KDM3B: variants seen among roughly 807,000 people sequenced by gnomAD.
The protein encoded by KDM3B is lysine-specific demethylase 3B.
KDM3B carries 10 observed loss-of-function variants against 170.0 expected under a neutral mutation model. The ratio of observed to expected loss-of-function variants is 0.06; its 90% CI spans 0.04 to 0.10. The LOEUF (loss-of-function observed/expected upper bound fraction) is 0.10. Ranked by LOEUF, KDM3B falls within the 10% of genes least tolerant of loss-of-function variation. The pLI is 1.00. For synonymous variants in KDM3B, 831 were observed against 834.8 expected (o/e 1.00, Z 0.08); for missense variants, 1,394 against 2,195.2 (o/e 0.64, Z 7.29).
chr5:138,380,664 C>T (rs1762104344), intron 5 of KDM3B, among the ~76,000 whole-genome samples: 1 of 152,036 alleles, frequency 6.6e-6, no homozygotes, highest in Non-Finnish European at 1.5e-5. Context: ...TGTATAATTG[C>T]TAGGTCAAAG....
intron 1 of KDM3B, among the ~76,000 whole-genome samples, chr5:138,366,262 A>G (rs2126915258): frequency 6.6e-6 from 1 of 152,286 alleles, no homozygotes; most frequent in East Asian, 1.9e-4. Flanking sequence ...AATGCTTTAT[A>G]ATTTTCATTT....
At chr5:138,435,008 T>G (rs1014981154) in intron 23 of KDM3B, among the ~76,000 whole-genome samples, 2 of 152,222 alleles carry the variant, frequency 1.3e-5, no homozygotes, top group African/African-American at 4.8e-5. Context: ...AGTTTTCTTG[T>G]CAGCCCTTTA....
At chr5:138,394,871 T>C (rs1287523868) in intron 9 of KDM3B, among the ~76,000 whole-genome samples, 1 of 152,138 alleles carries the variant, frequency 6.6e-6, no homozygotes, top group African/African-American at 2.4e-5. Context: ...AAGTGAGAAA[T>C]GATGGGGCTT....
At chr5:138,428,373 G>A (rs916086377) in intron 20 of KDM3B, among the ~76,000 whole-genome samples, 4 of 151,960 alleles carry the variant, frequency 2.6e-5, no homozygotes, top group Non-Finnish European at 2.9e-5. Context: ...CACCACGCCC[G>A]GCTAATTTTT....
intron 6 of KDM3B, among the ~76,000 whole-genome samples, chr5:138,384,098 T>TA (rs2126938756): frequency 6.8e-6 from 1 of 147,998 alleles, no homozygotes; most frequent in South Asian, 2.1e-4. Flanking sequence ...CAAAAAAAAT[T>TA]AGCCGGGCGC....
At chr5:138,381,455 A>G (rs1762122684) in intron 5 of KDM3B, 61 bp from the exon 6 acceptor site, 1 of 1,046,374 alleles carries the variant, frequency 9.6e-7, no homozygotes, top group Non-Finnish European at 1.5e-6. Context: ...TTGATTAGGA[A>G]ATTATATAAT....
Position 138,391,452 on chromosome 5 carries a change from G to A in KDM3B, c.1820G>A (p.Arg607Gln), listed in dbSNP as rs151196317. ...SMPTLTPAFPRSLLNARTPEN... is the reference protein window; with the variant it reads ...SMPTLTPAFPQSLLNARTPEN... ...CCCACCCTCACTCCAGCCTTCCCACGGAGCCTCCTAAATGCCCGTACCCCA... is the reference window on the plus strand; with the variant it reads ...CCCACCCTCACTCCAGCCTTCCCACAGAGCCTCCTAAATGCCCGTACCCCA... Residue 607 changes from arginine (R) to glutamine (Q), a missense_variant, in exon 8 of 24, where the codon CGG (arginine) becomes CAG (glutamine). Arg to Gln is a conservative substitution (Grantham distance 43, BLOSUM62 1). Coordinates refer to ENST00000314358, the MANE Select transcript of KDM3B (RefSeq NM_016604.4). This position sits in a 1 kb window ranked among gnomAD's most constrained non-coding sequence, Gnocchi z 5.0. 19 of 1,613,970 alleles carry A rather than the reference G, an allele frequency of 1.2e-5. 1 individual carries two copies. Among genetic ancestry groups the A allele is most frequent in the African/African-American group, 5.3e-5 (4 of 74,974 alleles).
chr5:138,410,503 A>G (rs1302736461), intron 11 of KDM3B, among the ~76,000 whole-genome samples: 1 of 152,054 alleles, frequency 6.6e-6, no homozygotes, highest in Non-Finnish European at 1.5e-5. Context: ...AAAAAAGAGG[A>G]ACCTCTGGAG....
chr5:138,394,328 C>T lies in KDM3B; in HGVS notation c.2831+956C>T, dbSNP rs750381598. On this transcript the variant is annotated intron_variant, in intron 9 of 23. Transcript: ENST00000314358. ...GGTCAAAGCTGCATTGAGCCTTGAT[C>T]GTACCACTGCACTCCAGCCTTAGAA... Among the ~76,000 whole-genome samples, 8 of 152,074 alleles carry T rather than the reference C, an allele frequency of 5.3e-5. No individual in the cohort carries two copies. In the East Asian group the frequency reaches 5.8e-4, roughly 11 times the overall value.
chr5:138,424,441 A>C, intron 16 of KDM3B, 100 bp downstream of exon 16: 1 of 1,371,314 alleles, frequency 7.3e-7, no homozygotes, highest in Non-Finnish European at 1.0e-6. Context: ...AGATTTAGAC[A>C]TAGTGAGGTT....
chr5:138,374,832 G>A (rs1176970229), intron 2 of KDM3B, among the ~76,000 whole-genome samples: 2 of 152,186 alleles, frequency 1.3e-5, no homozygotes, highest in Non-Finnish European at 2.9e-5. Flanking sequence ...TCCCTAGGCA[G>A]AATTAGGAGA....
intron 14 of KDM3B, among the ~76,000 whole-genome samples, chr5:138,419,728 T>TACACACACACACACACACACACAC (rs144047213): frequency 1.2e-4 from 15 of 122,170 alleles, no homozygotes; most frequent in South Asian, 2.8e-4. Context: ...TACACACACA[T>TACACACACACACACACACACACAC]ACACACACAC....
At chr5:138,362,464 T>C (rs1475329868) in intron 1 of KDM3B, among the ~76,000 whole-genome samples, 3 of 151,448 alleles carry the variant, frequency 2.0e-5, no homozygotes, top group East Asian at 1.9e-4. Context: ...GATTTTTTTT[T>C]CCCAAAAATC....
At position 138,436,511 on chromosome 5, in the gene KDM3B, C is replaced by CT. The variant is rs1233664694; in HGVS notation, c.*817dup. 7 of 152,190 alleles carry CT rather than the reference C, an allele frequency of 4.6e-5. No individual in the cohort carries two copies. In the South Asian group the frequency reaches 1.2e-3, roughly 27 times the overall value. The allele number at this position is 152,190 out of a possible 1,614,324, so 9.4% of individuals were successfully genotyped here. A position where few individuals can be genotyped will look rare whatever the true frequency, so the allele number is the denominator to read the frequency against. ...CCAAAGCAGAATTTTTAAAAATTGG[C>CT]TTTTTTAGGATTCTTTTTCTCCCCC... is the stretch of plus-strand genomic sequence containing the variant. On this transcript the variant is annotated 3_prime_UTR_variant, in exon 24 of 24. Transcript: ENST00000314358.
At chr5:138,412,191 C>T (rs1366975993) in intron 11 of KDM3B, among the ~76,000 whole-genome samples, 3 of 151,290 alleles carry the variant, frequency 2.0e-5, no homozygotes, top group African/African-American at 7.3e-5. Flanking sequence ...CAAAAATTAG[C>T]TGGGCGTGGT....
At chr5:138,389,451 TGTA>T (rs1762367686) in intron 7 of KDM3B, among the ~76,000 whole-genome samples, 2 of 152,208 alleles carry the variant, frequency 1.3e-5, no homozygotes, top group African/African-American at 2.4e-5. Context: ...TTTTTTTAAT[TGTA>T]GTAAAATACA....
At chr5:138,418,578 A>C (rs1763169655) in intron 13 of KDM3B, among the ~76,000 whole-genome samples, 1 of 152,242 alleles carries the variant, frequency 6.6e-6, no homozygotes, top group Non-Finnish European at 1.5e-5. Flanking sequence ...TAAGAGTAAT[A>C]AACATTTATT....
At chr5:138,367,975 T>C (rs961005348) in intron 1 of KDM3B, among the ~76,000 whole-genome samples, 4 of 151,398 alleles carry the variant, frequency 2.6e-5, no homozygotes, top group African/African-American at 9.7e-5. Flanking sequence ...ATCGCACCAC[T>C]GCACTCCAGC....
rs374815700 is a variant in KDM3B, at chr5:138,386,466, A to C, written c.1225A>C (p.Thr409Pro). ...AGCCGAAAACAAAGAGGCAGGAAAA[A>C]CACTGGAACAAGTTGGCCAGGGCAT... Reference protein sequence around the residue: ...GGAENKEAGKTLEQVGQGIVA... With the variant: ...GGAENKEAGKPLEQVGQGIVA... Residue 409 changes from threonine (T) to proline (P), a missense_variant, in exon 7 of 24, where the codon ACA becomes CCA. By Grantham distance (38) the Thr-to-Pro change is conservative. This residue lies in a region of KDM3B where 205 missense variants were observed against 227.6 expected (regional missense o/e 0.90). Transcript: ENST00000314358. 86 of 1,614,116 alleles carry C rather than the reference A, an allele frequency of 5.3e-5. No homozygotes were observed. The African/African-American group carries it at 8.5e-4, about 16-fold the overall frequency.
Sources: allele counts gnomAD v4.1 joint callset (sites outside exome capture counted in the v4.1 genomes callset), GRCh38; gene constraint gnomAD v4.1.1; regional missense constraint gnomAD v4.1.1; non-coding constraint Gnocchi (gnomAD v3.1); transcripts MANE v1.5; gene names NCBI Gene and HGNC (gene_info 2026-07-23, HGNC 2026-07-21).